The following PCDHGA4 variants were observed in gnomAD, a reference collection of about 807,000 sequenced individuals.
PCDHGA4 encodes protocadherin gamma subfamily A, 4, also known as protocadherin gamma-A4.
In PCDHGA4, 38 loss-of-function variants were observed where a neutral mutation model predicts 54.6. The observed-to-expected ratio is 0.70, with a 90% CI of 0.54 to 0.91. The LOEUF is 0.91. Ranked by LOEUF, PCDHGA4 falls within the 40% of genes least tolerant of loss-of-function variation. The pLI is 0.00. For synonymous variants in PCDHGA4, 511 were observed against 512.9 expected, an observed-to-expected ratio of 1.00 and a Z score of 0.05; for missense variants, 1,298 against 1,220.9, an observed-to-expected ratio of 1.06 and a Z score of -0.94.
chr5:141,404,764 C>T (rs371618979), intron 1 of PCDHGA4: 1 of 1,613,802 alleles, frequency 6.2e-7, no homozygotes, highest in Non-Finnish European at 8.5e-7. Context: ...ATGCTTGGCT[C>T]TCCTACCGCC....
intron 1 of PCDHGA4, chr5:141,478,479 C>T (rs750055106): frequency 1.9e-6 from 3 of 1,613,550 alleles, no homozygotes; most frequent in Admixed American, 1.7e-5. Context: ...CGCCAGAACA[C>T]GCTGCGGAGC....
rs1057107770 is a variant in PCDHGA4 at position 141,387,795 on chromosome 5, T to C, written c.2514+30174T>C. 28 of 1,499,168 alleles carry C rather than the reference T, an allele frequency of 1.9e-5. No homozygotes were observed. In the African/African-American group the frequency reaches 2.5e-4, roughly 13 times the overall value. The allele number at this position is 1,499,168 out of a possible 1,614,324, so 92.9% of individuals were successfully genotyped here. A position where few individuals can be genotyped will look rare whatever the true frequency, so the allele number is the denominator to read the frequency against. On this transcript the variant is annotated intron_variant, in intron 1 of 3. Transcript: ENST00000571252. ...TCTTGAACTGGAACTGCAACTAAAG[T>C]CCGTTCGGAGATCCAAAAATCTGCA... is the stretch of plus-strand genomic sequence containing the variant.
chr5:141,439,363 A>G (rs922889903), intron 1 of PCDHGA4, among the ~76,000 whole-genome samples: 2 of 152,208 alleles, frequency 1.3e-5, no homozygotes, highest in African/African-American at 2.4e-5. Context: ...TCAAACATCA[A>G]GAAGAAATAA....
At chr5:141,389,889 G>T (rs1190060148) in intron 1 of PCDHGA4, 1 of 1,614,086 alleles carries the variant, frequency 6.2e-7, no homozygotes, top group South Asian at 1.1e-5. Context: ...CTTGCAGGAG[G>T]TGCTGCCGGA....
Position 141,476,140 on chromosome 5 carries a change from C to G in PCDHGA4, c.2515-18667C>G. On this transcript the variant is annotated intron_variant, in intron 1 of 3. Coordinates refer to ENST00000571252, the MANE Select transcript of PCDHGA4 (RefSeq NM_018917.4). This position sits in a 1 kb window ranked among gnomAD's most constrained non-coding sequence, Gnocchi z 7.6. ...AGATGGTCCCAGAGGCCTGGAGGAGCGGACTGGTAAGCACCGGGAGGGTAG... is the reference window on the plus strand; with the variant it reads ...AGATGGTCCCAGAGGCCTGGAGGAGGGGACTGGTAAGCACCGGGAGGGTAG... The G allele has an allele frequency of 2.5e-6, 4 of 1,609,222 alleles. No individual in the cohort carries two copies. Among genetic ancestry groups the G allele is most frequent in the Non-Finnish European group, 1.7e-6 (2 of 1,178,484 alleles).
At chr5:141,499,438 G>A (rs2154592492) in intron 2 of PCDHGA4, among the ~76,000 whole-genome samples, 1 of 152,158 alleles carries the variant, frequency 6.6e-6, no homozygotes, top group Admixed American at 6.5e-5. Context: ...AAAATTAAAA[G>A]GAAAACCACC....
At chr5:141,408,723 C>G (rs1365936782) in intron 1 of PCDHGA4, 3 of 1,611,058 alleles carry the variant, frequency 1.9e-6, no homozygotes, top group Non-Finnish European at 2.5e-6. Flanking sequence ...AAGATAAACT[C>G]TAATCCTTAT....
chr5:141,395,218 A>G, intron 1 of PCDHGA4: 2 of 1,612,142 alleles, frequency 1.2e-6, no homozygotes, highest in Non-Finnish European at 1.7e-6. Flanking sequence ...GAATATAAGA[A>G]TGAAGCTGAT....
chr5:141,373,498 G>A (rs1282997273), intron 1 of PCDHGA4, among the ~76,000 whole-genome samples: 2 of 152,206 alleles, frequency 1.3e-5, no homozygotes, highest in Non-Finnish European at 2.9e-5. Flanking sequence ...ACTCTAGCCT[G>A]GGAGACAGAG....
rs778684539 is a variant in PCDHGA4 at position 141,477,205 on chromosome 5, G to A, written c.2515-17602G>A. ...CCTCCGTGTACAGCCCAGTACCCGA[G>A]GATGCCCCTCTGGGGACTGTCATCG... On this transcript the variant is annotated intron_variant, in intron 1 of 3. Transcript: ENST00000571252. The surrounding 1 kb of genome is among the most constrained non-coding windows in gnomAD (Gnocchi z 4.9). 1 of 1,614,184 alleles carries A rather than the reference G, an allele frequency of 6.2e-7. No homozygotes were observed. The highest frequency in any genetic ancestry group is 8.5e-7 in the Non-Finnish European group (1 of 1,180,042).
chr5:141,478,819 C>T, intron 1 of PCDHGA4: 8 of 1,447,842 alleles, frequency 5.5e-6, no homozygotes, highest in South Asian at 3.0e-5. Flanking sequence ...CACAACTAAC[C>T]AATCTTGCTA....
intron 1 of PCDHGA4, chr5:141,375,739 G>T (rs760131359): frequency 5.6e-6 from 9 of 1,614,126 alleles, no homozygotes; most frequent in East Asian, 4.5e-5. Context: ...GCCTGTTTGT[G>T]CTGGACCAGA....
chr5:141,420,061 G>C, intron 1 of PCDHGA4: 1 of 1,614,076 alleles, frequency 6.2e-7, no homozygotes. Flanking sequence ...TCTGCTCCAA[G>C]TCCGGACCTG....
chr5:141,439,190 CA>C (rs200519543), intron 1 of PCDHGA4, among the ~76,000 whole-genome samples: 2,445 of 111,432 alleles, frequency 0.022, 39 homozygotes, highest in African/African-American at 0.057. Flanking sequence ...GAGACTCTGA[CA>C]AAAAAAAAAA....
chr5:141,453,926 T>C (rs1274875429), intron 1 of PCDHGA4, among the ~76,000 whole-genome samples: 1 of 152,256 alleles, frequency 6.6e-6, no homozygotes, highest in Non-Finnish European at 1.5e-5. Flanking sequence ...GATCAGTCAC[T>C]GTGTGCCTAT....
Position 141,421,230 on chromosome 5 carries a change from G to A in PCDHGA4, c.2514+63609G>A, listed in dbSNP as rs530853994. 1.9e-6 allele frequency: 3 copies of A among 1,590,132 alleles called. No individual in the cohort carries two copies. The East Asian group carries it at 6.7e-5, about 36-fold the overall frequency. The stretch of plus-strand genomic sequence containing the variant: ...GGAATATCGGCTTAGAGCCTGCCAT[G>A]GCGAATCGGCTACAGCGCGGGGACC... On this transcript the variant is annotated intron_variant, in intron 1 of 3. Coordinates refer to ENST00000571252, the MANE Select transcript of PCDHGA4 (RefSeq NM_018917.4).
intron 1 of PCDHGA4, chr5:141,411,845 G>C (rs984420523): frequency 6.6e-6 from 1 of 151,920 alleles, no homozygotes; most frequent in Non-Finnish European, 1.5e-5. Context: ...AGGTGACAGA[G>C]TGAGACCCTG....
At chr5:141,383,577 C>T in intron 1 of PCDHGA4, 1 of 1,613,420 alleles carries the variant, frequency 6.2e-7, no homozygotes, top group Non-Finnish European at 8.5e-7. Context: ...CCAGCACCGC[C>T]CACATCCAGG....
intron 1 of PCDHGA4, among the ~76,000 whole-genome samples, chr5:141,450,470 AGTTT>A (rs199699353): frequency 4.6e-5 from 7 of 151,680 alleles, no homozygotes; most frequent in Non-Finnish European, 8.8e-5. Flanking sequence ...TTATATATAG[AGTTT>A]GTTTGTTTGT....
Sources: allele counts gnomAD v4.1 joint callset (sites outside exome capture counted in the v4.1 genomes callset), GRCh38; gene constraint gnomAD v4.1.1; non-coding constraint Gnocchi (gnomAD v3.1); transcripts MANE v1.5; gene names NCBI Gene and HGNC (gene_info 2026-07-23, HGNC 2026-07-21).